Variants in SLC35D1 observed in about 807,000 individuals in gnomAD.
SLC35D1 encodes the protein solute carrier family 35 member D1, also known as nucleotide sugar transporter SLC35D1.
A neutral mutation model predicts 46.7 loss-of-function variants in SLC35D1; 31 were observed. The observed-to-expected ratio is 0.66, with a 90% confidence interval of 0.50 to 0.90. The LOEUF (loss-of-function observed/expected upper bound fraction) is 0.90. Among genes scored for constraint, SLC35D1 ranks in the 40% least tolerant of loss-of-function variants. SLC35D1 has a pLI of 0.00. For synonymous variants in SLC35D1, 195 were observed against 164.6 expected (o/e 1.18, Z -1.41); for missense variants, 397 against 426.2 (o/e 0.93, Z 0.60).
At chr1:66,996,246 C>A (rs180935001), downstream of SLC35D1, among the ~76,000 whole-genome samples, 1 of 152,368 alleles carries the variant, frequency 6.6e-6, no homozygotes, top group Admixed American at 6.5e-5. Flanking sequence ...CACAAGAGGG[C>A]ACTTTTAGCA....
chr1:67,041,780 G>GA lies in SLC35D1; in HGVS notation c.729+455dup, dbSNP rs940592365. Among the ~76,000 whole-genome samples, 43 of 147,322 alleles carry GA rather than the reference G, an allele frequency of 2.9e-4. 1 individual carries two copies. Among genetic ancestry groups the GA allele is most frequent in the South Asian group, 1.3e-3 (6 of 4,684 alleles). ...CCACACAATGCTAAATATCTCCTGAGAAAAAAAAAACAAGTTGGGAGTTAA... is the reference window on the plus strand; with the variant it reads ...CCACACAATGCTAAATATCTCCTGAGAAAAAAAAAAACAAGTTGGGAGTTAA... On this transcript the variant is annotated intron_variant, in intron 8 of 11. Transcript: ENST00000235345.
the SLC35D1 span, chr1:66,984,436 A>G: frequency 1.6e-6 from 1 of 608,644 alleles, no homozygotes; most frequent in Non-Finnish European, 2.8e-6. Context: ...ATAGCTTATA[A>G]GTAATAGAGC....
At chr1:67,052,278 G>GA (rs1174090584) in intron 3 of SLC35D1, among the ~76,000 whole-genome samples, 199 bp from the exon 4 acceptor site, 1 of 152,144 alleles carries the variant, frequency 6.6e-6, no homozygotes, top group Non-Finnish European at 1.5e-5. Flanking sequence ...ATAGCAGAAA[G>GA]AAAGGGAGGA....
At chr1:66,990,017 G>A in the SLC35D1 span, among the ~76,000 whole-genome samples, 2 of 152,204 alleles carry the variant, frequency 1.3e-5, no homozygotes. Context: ...TAATAGTGGT[G>A]CCAGTCATTC....
chr1:67,046,499 C>T (rs1004014609), intron 7 of SLC35D1, among the ~76,000 whole-genome samples: 3 of 152,116 alleles, frequency 2.0e-5, no homozygotes, highest in African/African-American at 7.2e-5. Flanking sequence ...GTACCAGCTG[C>T]TCAGGAAAAA....
At chr1:67,008,282 G>A (rs2102235534) in intron 11 of SLC35D1, 1 of 422,512 alleles carries the variant, frequency 2.4e-6, no homozygotes, top group South Asian at 2.1e-5. Context: ...GGGACTACAG[G>A]TGCCTGCCAC....
chr1:67,000,159 T>C lies in SLC35D1; in HGVS notation c.*4181A>G, dbSNP rs1667304313. 1 of 151,342 alleles carries C rather than the reference T, an allele frequency of 6.6e-6. No homozygotes were observed. Among genetic ancestry groups the C allele is most frequent in the Non-Finnish European group, 1.5e-5 (1 of 67,962 alleles). 9.4% of individuals were successfully genotyped at this position (151,342 alleles called of 1,614,324 possible). A position where few individuals can be genotyped will look rare whatever the true frequency, so the allele number is the denominator to read the frequency against. The stretch of plus-strand genomic sequence containing the variant: ...AGCCAGGCGTAATGGCACATGCCTA[T>C]AGTCGTAGCTACTTAGCAGGCTAAG... On this transcript the variant is annotated 3_prime_UTR_variant, in exon 12 of 12. Transcript: ENST00000235345.
the SLC35D1 span, chr1:66,984,849 A>G: frequency 6.2e-7 from 1 of 1,609,334 alleles, no homozygotes; most frequent in Non-Finnish European, 8.5e-7. Context: ...AATTTTTCCA[A>G]GAAGCAGTCT....
At chr1:66,976,569 TAAAAGC>T in the SLC35D1 span, 1 of 1,527,964 alleles carries the variant, frequency 6.5e-7, no homozygotes, top group African/African-American at 1.6e-5. Context: ...AGGAGATTCT[TAAAAGC>T]AAGCATTTGT....
In SLC35D1 at chr1:67,049,797, G is replaced by T. The variant is rs779178195; in HGVS notation, c.518C>A (p.Ala173Asp). 2 of 1,613,544 alleles carry T rather than the reference G, an allele frequency of 1.2e-6. No individual in the cohort carries two copies. Among genetic ancestry groups the T allele is most frequent in the Admixed American group, 3.3e-5 (2 of 59,990 alleles). ...KMTVFAMIIG[A>D]FVAASSDLAF... The stretch of plus-strand genomic sequence containing the variant: ...CACATCTTACCTGGCAGCTACAAAG[G>T]CTCCAATAATCATTGCAAATACAGT... The change falls in exon 6 of 12, where the codon GCC becomes GAC. Residue 173 changes from alanine (A) to aspartate (D), a missense_variant. Ala to Asp is a moderately radical substitution (Grantham distance 126). Transcript: ENST00000235345.
chr1:67,023,418 T>C (rs1487418483), intron 8 of SLC35D1, among the ~76,000 whole-genome samples: 1 of 152,192 alleles, frequency 6.6e-6, no homozygotes, highest in Non-Finnish European at 1.5e-5. Context: ...ACTATCAATA[T>C]TGAGTATCTT....
intron 8 of SLC35D1, among the ~76,000 whole-genome samples, chr1:67,034,711 T>G (rs1668087250): frequency 6.6e-6 from 1 of 152,170 alleles, no homozygotes; most frequent in African/African-American, 2.4e-5. Flanking sequence ...GGACTTCCAG[T>G]ATTACACTGA....
intron 9 of SLC35D1, among the ~76,000 whole-genome samples, chr1:67,020,998 C>T (rs1041517774): frequency 6.6e-6 from 1 of 152,164 alleles, no homozygotes; most frequent in Non-Finnish European, 1.5e-5. Context: ...GAAGCACCTG[C>T]TCACTGTGTG....
the SLC35D1 span, chr1:66,987,153 T>C: frequency 6.5e-6 from 1 of 152,742 alleles, no homozygotes; most frequent in Non-Finnish European, 1.5e-5. Flanking sequence ...TTATGCGTAA[T>C]GCTCAGCTTT....
At chr1:66,973,862 G>A in the SLC35D1 span, among the ~76,000 whole-genome samples, 1 of 152,076 alleles carries the variant, frequency 6.6e-6, no homozygotes, top group African/African-American at 2.4e-5. Flanking sequence ...TAGCTTCTAA[G>A]TTTTGTGTCG....
intron 8 of SLC35D1, among the ~76,000 whole-genome samples, chr1:67,031,611 G>C (rs796641659): frequency 2.0e-4 from 30 of 151,698 alleles, no homozygotes; most frequent in African/African-American, 7.3e-4. Flanking sequence ...ATGGCTCCAC[G>C]TGGTTACCAA....
At chr1:67,024,666 G>C (rs531961622) in intron 8 of SLC35D1, among the ~76,000 whole-genome samples, 2 of 152,026 alleles carry the variant, frequency 1.3e-5, no homozygotes, top group Admixed American at 1.3e-4. Flanking sequence ...AGCTTGTAGA[G>C]GTATCACCCT....
downstream of SLC35D1, among the ~76,000 whole-genome samples, chr1:66,994,651 A>AG (rs1475889227): frequency 1.3e-5 from 2 of 151,244 alleles, no homozygotes; most frequent in African/African-American, 4.9e-5. Flanking sequence ...CTCAAAAAGA[A>AG]AAAAAAAAGA....
At chr1:66,994,352 T>C (rs563895672), downstream of SLC35D1, among the ~76,000 whole-genome samples, 10 of 152,186 alleles carry the variant, frequency 6.6e-5, no homozygotes, top group East Asian at 1.9e-3. Flanking sequence ...AATAAGATAT[T>C]AAGAAATCCA....
Sources: allele counts gnomAD v4.1 joint callset (sites outside exome capture counted in the v4.1 genomes callset), GRCh38; gene constraint gnomAD v4.1.1; transcripts MANE v1.5; gene names NCBI Gene and HGNC (gene_info 2026-07-23, HGNC 2026-07-21).